ERAL1: variants seen among roughly 807,000 people sequenced by gnomAD.
The protein encoded by ERAL1 is Era like 12S mitochondrial rRNA chaperone 1, also known as GTPase Era, mitochondrial.
A neutral mutation model predicts 53.6 loss-of-function variants in ERAL1; 36 were observed. That is an observed-to-expected ratio of 0.67 (90% CI 0.51 to 0.89). The LOEUF is 0.89. ERAL1 is among the 40% of genes least tolerant of loss of function. The pLI is 0.00. For synonymous variants in ERAL1, 215 were observed against 211.8 expected (o/e 1.02, Z -0.13); for missense variants, 512 against 537.5 (o/e 0.95, Z 0.47).
chr17:28,857,787 G>A (rs1308604396), intron 3 of ERAL1, 152 bp from the exon 4 acceptor site: 26 of 803,592 alleles, frequency 3.2e-5, no homozygotes, highest in Admixed American at 9.8e-5. Flanking sequence ...GTGAGACTCC[G>A]TCTCAGAAAA....
intron 8 of ERAL1, 24 bp downstream of exon 8, chr17:28,859,137 GCTCT>G (rs779025131): frequency 1.4e-5 from 22 of 1,614,134 alleles, no homozygotes; most frequent in Admixed American, 8.3e-5. Flanking sequence ...GGTTCTGGGG[GCTCT>G]CTATCAGACA....
At position 28,856,330 on chromosome 17, in the gene ERAL1, T is replaced by A. The variant is rs575596154; in HGVS notation, c.350T>A (p.Val117Asp). The change falls in exon 2 of 10, where the codon GTC becomes GAC. Residue 117 changes from valine (V) to aspartate (D), a missense_variant. By Grantham distance (152) the Val-to-Asp change is radical. Coordinates refer to ENST00000254928, the MANE Select transcript of ERAL1 (RefSeq NM_005702.4). ...MPENSRVLRVVLLGAPNAGKS... is the reference protein window; with the variant it reads ...MPENSRVLRVDLLGAPNAGKS... ...GAGAATTCCCGGGTCCTACGAGTGG[T>A]CCTCCTGGGAGCCCCGAATGCAGGG... 6.2e-7 allele frequency: 1 copy of A among 1,614,134 alleles called. No individual in the cohort carries two copies. Among genetic ancestry groups the A allele is most frequent in the East Asian group, 2.2e-5 (1 of 44,880 alleles).
At position 28,860,330 on chromosome 17, in the gene ERAL1, C is replaced by T; in HGVS notation, c.1192-101C>T. The T allele has an allele frequency of 2.1e-6, 3 of 1,418,272 alleles. No individual in the cohort carries two copies. In the South Asian group the frequency reaches 3.7e-5, roughly 18 times the overall value. 87.9% of individuals were successfully genotyped at this position (1,418,272 alleles called of 1,614,324 possible). On this transcript the variant is annotated intron_variant, in intron 9 of 9. Coordinates refer to ENST00000254928, the MANE Select transcript of ERAL1 (RefSeq NM_005702.4). The stretch of plus-strand genomic sequence containing the variant: ...CACTGTTACCCAGGCTGGACTCAAA[C>T]TCCTGTGCTCAAAGGATCTTCTCAC...
rs533727748 is a variant in ERAL1 at position 28,859,462 on chromosome 17, C to T, written c.1191+179C>T. On this transcript the variant is annotated intron_variant, in intron 9 of 9. Transcript: ENST00000254928. ...GGAGTGCAGTGGTGTGATCACAGTT[C>T]ACTGCAGCCTTGACTTCCCACGCTC... Among the ~76,000 whole-genome samples the T allele has an allele frequency of 7.0e-4, 106 of 152,098 alleles. 1 individual carries two copies. The highest frequency in any genetic ancestry group is 1.3e-3 in the Non-Finnish European group (86 of 67,970).
intron 2 of ERAL1, 45 bp downstream of exon 2, chr17:28,856,436 C>T: frequency 6.2e-7 from 1 of 1,613,554 alleles, no homozygotes; most frequent in Non-Finnish European, 8.5e-7. Flanking sequence ...TCTTTTACTT[C>T]TTGCCATGCC....
rs759960844 is a variant in ERAL1, at chr17:28,856,358, G to A, written c.378G>A (p.Lys126=). The change falls in exon 2 of 10, where the codon AAG becomes AAA. Residue 126 remains lysine (K), a synonymous_variant. Coordinates refer to ENST00000254928, the MANE Select transcript of ERAL1 (RefSeq NM_005702.4). ...TCCTGGGAGCCCCGAATGCAGGGAA[G>A]TCAACACTCTCCAACCAGCTACTGG... is the stretch of plus-strand genomic sequence containing the variant. ...VVLLGAPNAG[K]STLSNQLLGR... 1.2e-6 allele frequency: 2 copies of A among 1,614,012 alleles called. No individual in the cohort carries two copies. The highest frequency in any genetic ancestry group is 1.3e-5 in the African/African-American group (1 of 74,928).
In ERAL1 at chr17:28,858,409, CG is replaced by C. The variant is rs1230008218; in HGVS notation, c.636del (p.Asn213ThrfsTer11). On this transcript the variant is annotated frameshift_variant, in exon 6 of 10. Transcript: ENST00000254928. LOFTEE classifies it high-confidence loss of function. ...TGTGGATGTCTCAGACAAGTGGACA[CG>C]GAACCAGCTCAGCCCCCAGTTGCTC... ...VLVDVSDKWTRNQLSPQLLRC... is the reference protein window; with the variant it reads ...VLVDVSDKWTXNQLSPQLLRC... 2 of 1,613,976 alleles carry C rather than the reference CG, an allele frequency of 1.2e-6. No individual in the cohort carries two copies. Among genetic ancestry groups the C allele is most frequent in the Non-Finnish European group, 1.7e-6 (2 of 1,180,034 alleles).
intron 3 of ERAL1, 87 bp downstream of exon 3, chr17:28,856,669 T>A: frequency 8.3e-7 from 1 of 1,199,328 alleles, no homozygotes; most frequent in Non-Finnish European, 1.2e-6. Flanking sequence ...AAGAAAATGA[T>A]GGTCACATTC....
In ERAL1 at chr17:28,855,112, G is replaced by A; in HGVS notation, c.78G>A (p.Ala26=). The change falls in exon 1 of 10, where the codon GCG becomes GCA. Residue 26 remains alanine (A), a synonymous_variant. Transcript: ENST00000254928. The part of the protein sequence containing the change: ...LRVWQVGPHV[A]RERVIPFSSL... ...TCTGGCAGGTGGGCCCTCATGTCGC[G>A]AGGGAGCGGGTGATCCCTTTTTCCT... 6.2e-7 allele frequency: 1 copy of A among 1,614,222 alleles called. No homozygotes were observed. The highest frequency in any genetic ancestry group is 1.3e-5 in the African/African-American group (1 of 75,054).
Position 28,860,553 on chromosome 17 carries a change from A to C in ERAL1, c.1314A>C (p.Ter438CysextTer66). 1 of 1,596,226 alleles carries C rather than the reference A, an allele frequency of 6.3e-7. No homozygotes were observed. The highest frequency in any genetic ancestry group is 8.5e-7 in the Non-Finnish European group (1 of 1,173,076). ...GCCTCTCTGTGAAGCTCCTCAAGTG[A>C]CCACCCTCTACTGACCCTCCCAGGG... Reference protein sequence around the residue: ...DIRLSVKLLK* With the variant: ...DIRLSVKLLKC Residue 438 changes from the stop codon to cysteine (C), a stop_lost, in exon 10 of 10, where the codon TGA becomes TGC. Transcript: ENST00000254928.
chr17:28,858,340 T>G, intron 5 of ERAL1, 34 bp from the exon 6 acceptor site: 2 of 1,611,762 alleles, frequency 1.2e-6, no homozygotes, highest in Non-Finnish European at 1.7e-6. Context: ...AGTGACCATT[T>G]CCTTTTCCTT....
Position 28,860,440 on chromosome 17 carries a change from A to G in ERAL1, c.1201A>G (p.Ile401Val), listed in dbSNP as rs939423633. The G allele has an allele frequency of 1.2e-6, 2 of 1,612,000 alleles. No homozygotes were observed. Among genetic ancestry groups the G allele is most frequent in the Non-Finnish European group, 8.5e-7 (1 of 1,179,174 alleles). Residue 401 changes from isoleucine (I) to valine (V), a missense_variant, in exon 10 of 10, where the codon ATT becomes GTT. Coordinates refer to ENST00000254928, the MANE Select transcript of ERAL1 (RefSeq NM_005702.4). ...VPKESYVKLL[I>V]GPKGHVISQI... ...TTTCACATACCCTCAGAAACTCCTG[A>G]TTGGTCCGAAGGGCCACGTGATCTC...
intron 6 of ERAL1, 30 bp from the exon 7 acceptor site, chr17:28,858,545 CA>C (rs1194449731): frequency 1.9e-6 from 3 of 1,613,934 alleles, no homozygotes; most frequent in Non-Finnish European, 2.5e-6. Flanking sequence ...TATCTCTGAC[CA>C]CACACCCTTT....
At position 28,858,945 on chromosome 17, in the gene ERAL1, A is replaced by G; in HGVS notation, c.961-19A>G. 1 of 1,613,888 alleles carries G rather than the reference A, an allele frequency of 6.2e-7. No individual in the cohort carries two copies. The highest frequency in any genetic ancestry group is 8.5e-7 in the Non-Finnish European group (1 of 1,180,004). ...CTGGTTGGGATTAAGATGCCCATCT[A>G]TTCCCTCTGTTCCCACAGCAATACC... On this transcript the variant is annotated intron_variant, in intron 7 of 9. Coordinates refer to ENST00000254928, the MANE Select transcript of ERAL1 (RefSeq NM_005702.4).
chr17:28,858,994 C>T lies in ERAL1; in HGVS notation c.991C>T (p.Pro331Ser), dbSNP rs755221194. 2.0e-5 allele frequency: 33 copies of T among 1,614,044 alleles called. No individual in the cohort carries two copies. In the South Asian group the frequency reaches 3.3e-4, roughly 16 times the overall value. Residue 331 changes from proline (P) to serine (S), a missense_variant, in exon 8 of 10, where the codon CCC becomes TCC. Pro to Ser is a moderately conservative substitution (Grantham distance 74, BLOSUM62 -1). Transcript: ENST00000254928. The stretch of plus-strand genomic sequence containing the variant: ...CCTTCTGACACAGGCCCAGCCAGGG[C>T]CCTGGGAGTACCACAGTGCAGTCCT... The part of the protein sequence containing the change: ...QYLLTQAQPG[P>S]WEYHSAVLTS...
rs1433904548 is a variant in ERAL1 at position 28,859,230 on chromosome 17, G to A, written c.1138G>A (p.Gly380Ser). 2 of 1,614,176 alleles carry A rather than the reference G, an allele frequency of 1.2e-6. No homozygotes were observed. Among genetic ancestry groups the A allele is most frequent in the Non-Finnish European group, 8.5e-7 (1 of 1,180,030 alleles). ...GACAGCAGTGTGGGAGGAAGGACCAGGTGGGGAGCTGGTTATCCAACAGAA... is the reference window on the plus strand; with the variant it reads ...GACAGCAGTGTGGGAGGAAGGACCAAGTGGGGAGCTGGTTATCCAACAGAA... Reference protein sequence around the residue: ...QKTAVWEEGPGGELVIQQKLL... With the variant: ...QKTAVWEEGPSGELVIQQKLL... Residue 380 changes from glycine (G) to serine (S), a missense_variant, in exon 9 of 10, where the codon GGT (glycine) becomes AGT (serine). Physicochemically the swap from Gly to Ser is moderately conservative, Grantham distance 56 (BLOSUM62 0). Coordinates refer to ENST00000254928, the MANE Select transcript of ERAL1 (RefSeq NM_005702.4).
At chr17:28,859,795 C>A (rs1472228014) in intron 9 of ERAL1, among the ~76,000 whole-genome samples, 1 of 152,070 alleles carries the variant, frequency 6.6e-6, no homozygotes, top group Non-Finnish European at 1.5e-5. Flanking sequence ...CCACCTCAGC[C>A]TCCCAAAGTG....
chr17:28,858,216 C>G lies in ERAL1; in HGVS notation c.598+9C>G. 1 of 1,613,774 alleles carries G rather than the reference C, an allele frequency of 6.2e-7. No individual in the cohort carries two copies. The highest frequency in any genetic ancestry group is 8.5e-7 in the Non-Finnish European group (1 of 1,180,004). ...GGAATCTGCTGATCTTGGTTAGGTT[C>G]AGGATGGGAACCTTAAGCCCAGTTT... On this transcript the variant is annotated intron_variant, in intron 5 of 9. Coordinates refer to ENST00000254928, the MANE Select transcript of ERAL1 (RefSeq NM_005702.4).
At chr17:28,856,675 C>A (rs2039248067) in intron 3 of ERAL1, 93 bp downstream of exon 3, 10 of 1,087,784 alleles carry the variant, frequency 9.2e-6, no homozygotes, top group Admixed American at 1.8e-5. Context: ...ATGATGGTCA[C>A]ATTCATTTAT....
Sources: allele counts gnomAD v4.1 joint callset (sites outside exome capture counted in the v4.1 genomes callset), GRCh38; gene constraint gnomAD v4.1.1; transcripts MANE v1.5; gene names NCBI Gene and HGNC (gene_info 2026-07-23, HGNC 2026-07-21).